The following MAP3K9 variants were observed in gnomAD, a reference collection of about 807,000 sequenced individuals.
The protein encoded by MAP3K9 is mitogen-activated protein kinase kinase kinase 9.
A neutral mutation model predicts 95.8 loss-of-function variants in MAP3K9; 46 were observed. That is an observed-to-expected ratio of 0.48 (90% CI 0.38 to 0.61). The LOEUF is 0.61. Ranked by LOEUF, MAP3K9 falls within the 20% of genes least tolerant of loss-of-function variation. The pLI is 0.00. For missense variants in MAP3K9, 1,296 were observed against 1,474.3 expected (o/e 0.88, Z 1.98); for synonymous variants, 533 against 593.8 (o/e 0.90, Z 1.49).
At chr14:70,733,686 G>T in intron 10 of MAP3K9, 1 of 716,964 alleles carries the variant, frequency 1.4e-6, no homozygotes, top group South Asian at 1.5e-5. Flanking sequence ...CACAGTTGCT[G>T]GGTGTGTCTG....
chr14:70,741,619 T>A (rs560530876), intron 6 of MAP3K9, among the ~76,000 whole-genome samples: 3 of 152,210 alleles, frequency 2.0e-5, no homozygotes, highest in African/African-American at 7.2e-5. Flanking sequence ...AAAGGTCACA[T>A]GTAAATCTTA....
At chr14:70,770,868 C>T (rs1451053828) in intron 2 of MAP3K9, among the ~76,000 whole-genome samples, 1 of 152,112 alleles carries the variant, frequency 6.6e-6, no homozygotes, top group African/African-American at 2.4e-5. Flanking sequence ...TCCCCTGCTT[C>T]GGTGGTGTGT....
In MAP3K9 at chr14:70,738,355, G is replaced by A. The variant is rs751043735; in HGVS notation, c.1734C>T (p.Val578=). 35 of 1,613,718 alleles carry A rather than the reference G, an allele frequency of 2.2e-5. No homozygotes were observed. Among genetic ancestry groups the A allele is most frequent in the South Asian group, 9.9e-5 (9 of 91,026 alleles). Residue 578 remains valine, a synonymous_variant, in exon 8 of 12, where the codon GTC becomes GTT. Transcript: ENST00000554752. ...CCTCCTCCCCTTCCTCCTTTGGGAC[G>A]ACTGAGCTCCTGCCCCAGGTTTTGC... ...ESSKTWGRSS[V]VPKEEGEEEE... is the part of the protein sequence containing the mutation.
chr14:70,804,696 T>G lies in MAP3K9; in HGVS notation c.407-3616A>C, dbSNP rs1294559279. 5.3e-5 allele frequency among the ~76,000 whole-genome samples: 8 copies of G among 151,742 alleles called. No individual in the cohort carries two copies. In the East Asian group the frequency reaches 1.5e-3, roughly 29 times the overall value. On this transcript the variant is annotated intron_variant, in intron 1 of 11. Transcript: ENST00000554752. Reference sequence around the variant, plus strand: ...ATGCAGGAGGGATTGAAAAAATAAATGCAGGGAGGTTTAAAAGACATGATT... The same window carrying G: ...ATGCAGGAGGGATTGAAAAAATAAAGGCAGGGAGGTTTAAAAGACATGATT...
intron 1 of MAP3K9, 35 bp downstream of exon 1, chr14:70,808,731 T>A: frequency 1.3e-6 from 1 of 788,988 alleles, no homozygotes; most frequent in Non-Finnish European, 1.7e-6. Flanking sequence ...GCCTCCGTCA[T>A]TCCCCCTCCC....
At chr14:70,798,170 A>G (rs1029433395) in intron 2 of MAP3K9, among the ~76,000 whole-genome samples, 1 of 152,224 alleles carries the variant, frequency 6.6e-6, no homozygotes, top group Admixed American at 6.5e-5. Context: ...CTTTTCCTGC[A>G]TAAGAGCCTC....
chr14:70,760,197 T>A (rs1566746180), intron 3 of MAP3K9, among the ~76,000 whole-genome samples: 2 of 145,942 alleles, frequency 1.4e-5, no homozygotes, highest in South Asian at 4.4e-4. Context: ...TTACAACACA[T>A]CAGGACAATA....
chr14:70,732,597 C>T lies in MAP3K9; in HGVS notation c.2772G>A (p.Glu924=), dbSNP rs771210287. 2 of 1,606,036 alleles carry T rather than the reference C, an allele frequency of 1.2e-6. No individual in the cohort carries two copies. The highest frequency in any genetic ancestry group is 4.5e-5 in the East Asian group (2 of 44,700). The change falls in exon 11 of 12, where the codon GAG becomes GAA. Residue 924 remains glutamate (E), a synonymous_variant. Transcript: ENST00000554752. ...AGGGGCTCCTGCTGGCTAGGAGAGT[C>T]TCTGGCTTAAGGGCCCCATCAGAAG... ...RTPSDGALKP[E]TLLASRSPSS...
intron 8 of MAP3K9, 99 bp from the exon 9 acceptor site, chr14:70,736,128 G>C (rs530657038): frequency 1.7e-5 from 13 of 779,572 alleles, no homozygotes; most frequent in Non-Finnish European, 3.0e-5. Context: ...ACACCACATC[G>C]CCAGCTGCCT....
intron 3 of MAP3K9, among the ~76,000 whole-genome samples, chr14:70,756,462 C>G (rs2054300289): frequency 6.6e-6 from 1 of 152,112 alleles, no homozygotes; most frequent in Non-Finnish European, 1.5e-5. Context: ...TCAAATCCAC[C>G]CTTCCTGTCT....
At chr14:70,780,770 G>C (rs1346915974) in intron 2 of MAP3K9, among the ~76,000 whole-genome samples, 2 of 152,184 alleles carry the variant, frequency 1.3e-5, no homozygotes, top group Admixed American at 6.5e-5. Flanking sequence ...CATCGTATCA[G>C]CTCAAACTGA....
chr14:70,798,776 C>T (rs1178729735), intron 2 of MAP3K9, among the ~76,000 whole-genome samples: 3 of 152,040 alleles, frequency 2.0e-5, no homozygotes, highest in Admixed American at 2.0e-4. Flanking sequence ...CCGCGCCCGG[C>T]CCAAAAGTTT....
intron 2 of MAP3K9, among the ~76,000 whole-genome samples, chr14:70,795,484 G>T (rs566014377): frequency 1.3e-5 from 2 of 150,388 alleles, no homozygotes; most frequent in Admixed American, 1.3e-4. Flanking sequence ...AGATTTTATT[G>T]TATTTTTTGC....
intron 2 of MAP3K9, among the ~76,000 whole-genome samples, chr14:70,773,731 A>G (rs527507489): frequency 4.5e-4 from 68 of 152,320 alleles, no homozygotes; most frequent in African/African-American, 1.4e-3. Flanking sequence ...ACCATCTTGG[A>G]CCATGAGGAC....
At chr14:70,767,487 T>C (rs1040494628) in intron 2 of MAP3K9, among the ~76,000 whole-genome samples, 1 of 151,906 alleles carries the variant, frequency 6.6e-6, no homozygotes, top group Non-Finnish European at 1.5e-5. Context: ...TCCCATCTTA[T>C]TGTTGCCAGG....
At position 70,809,273 on chromosome 14, in the gene MAP3K9, C is replaced by A. The variant is rs2055039913; in HGVS notation, c.-102G>T. On this transcript the variant is annotated 5_prime_UTR_variant, in exon 1 of 12. Transcript: ENST00000554752. ...CAGAGCTGGGAGGACCCCCCCCCAA[C>A]GACGGCGGCCGCAGGTAGGGCCCGG... is the stretch of plus-strand genomic sequence containing the variant. 3.3e-6 allele frequency: 4 copies of A among 1,228,278 alleles called. No individual in the cohort carries two copies. Among genetic ancestry groups the A allele is most frequent in the African/African-American group, 1.6e-5 (1 of 63,808 alleles). 76.1% of individuals were successfully genotyped at this position (1,228,278 alleles called of 1,614,324 possible). A position where few individuals can be genotyped will look rare whatever the true frequency, so the allele number is the denominator to read the frequency against.
At chr14:70,742,003 C>T (rs1488359085) in intron 6 of MAP3K9, among the ~76,000 whole-genome samples, 1 of 152,190 alleles carries the variant, frequency 6.6e-6, no homozygotes, top group Non-Finnish European at 1.5e-5. Context: ...TCTCGTGTCT[C>T]ACACATGCAC....
chr14:70,781,989 G>A lies in MAP3K9; in HGVS notation c.820+18678C>T, dbSNP rs192325339. ...GTGAACACTTGGCTCTGTCTGAGCT[G>A]GGGCAGGCCGCCTTCCCTGGGAGGT... On this transcript the variant is annotated intron_variant, in intron 2 of 11. Transcript: ENST00000554752. Among the ~76,000 whole-genome samples the A allele has an allele frequency of 8.4e-4, 128 of 152,288 alleles. 1 individual carries two copies. Among genetic ancestry groups the A allele is most frequent in the African/African-American group, 2.7e-3 (112 of 41,566 alleles).
chr14:70,758,949 T>C (rs2054333576), intron 3 of MAP3K9, among the ~76,000 whole-genome samples: 1 of 152,094 alleles, frequency 6.6e-6, no homozygotes, highest in Admixed American at 6.6e-5. Flanking sequence ...ACAACATGGA[T>C]GAATCTTGAA....
Sources: allele counts gnomAD v4.1 joint callset (sites outside exome capture counted in the v4.1 genomes callset), GRCh38; gene constraint gnomAD v4.1.1; transcripts MANE v1.5; gene names NCBI Gene and HGNC (gene_info 2026-07-23, HGNC 2026-07-21).